The following SGCD variants were observed in gnomAD, a reference collection of about 807,000 sequenced individuals.
The protein encoded by SGCD is sarcoglycan delta.
SGCD carries 18 observed loss-of-function variants against 36.6 expected under a neutral mutation model. The ratio of observed to expected loss-of-function variants is 0.49; its 90% CI spans 0.34 to 0.73. SGCD has a LOEUF of 0.73. Among genes scored for constraint, SGCD ranks in the 30% least tolerant of loss-of-function variants. SGCD has a pLI of 0.01. For missense variants in SGCD, 387 were observed against 346.7 expected (o/e 1.12, Z -0.92); for synonymous variants, 133 against 130.6 (o/e 1.02, Z -0.12).
At chr5:156,468,797 G>T (rs567549990) in intron 3 of SGCD, among the ~76,000 whole-genome samples, 37 of 152,244 alleles carry the variant, frequency 2.4e-4, no homozygotes, top group African/African-American at 8.7e-4. Context: ...CTCCAGACTA[G>T]CCTGGCCAAT....
chr5:156,201,724 T>G (rs946733600), intron 3 of SGCD, among the ~76,000 whole-genome samples: 1 of 151,452 alleles, frequency 6.6e-6, no homozygotes, highest in African/African-American at 2.4e-5. Context: ...TTCCCTAGTT[T>G]TTTTTTTTTT....
intron 1 of SGCD, among the ~76,000 whole-genome samples, chr5:155,904,429 G>A (rs1380852208): frequency 6.6e-6 from 1 of 152,156 alleles, no homozygotes; most frequent in Non-Finnish European, 1.5e-5. Context: ...TCATAGTGTT[G>A]TACAACCATC....
Position 156,533,030 on chromosome 5 carries a change from T to G in SGCD, c.294+24328T>G, listed in dbSNP as rs111587993. 1.2e-4 allele frequency among the ~76,000 whole-genome samples: 19 copies of G among 152,272 alleles called. No homozygotes were observed. In the East Asian group the frequency reaches 1.4e-3, roughly 11 times the overall value. Reference sequence around the variant, plus strand: ...TGTCCTTAACTGAAATGCCATCTTATCTTGGAGAAGTAAACAGTAGTTACA... The same window carrying G: ...TGTCCTTAACTGAAATGCCATCTTAGCTTGGAGAAGTAAACAGTAGTTACA... On this transcript the variant is annotated intron_variant, in intron 4 of 8. Transcript: ENST00000337851.
At chr5:156,502,198 C>A (rs144247739) in intron 3 of SGCD, among the ~76,000 whole-genome samples, 2 of 151,380 alleles carry the variant, frequency 1.3e-5, no homozygotes, top group African/African-American at 4.8e-5. Flanking sequence ...AGGCACCCAC[C>A]ACCACCCCTG....
At chr5:156,404,963 C>G (rs1772333116) in intron 3 of SGCD, among the ~76,000 whole-genome samples, 1 of 152,168 alleles carries the variant, frequency 6.6e-6, no homozygotes, top group Admixed American at 6.5e-5. Context: ...AGGGATTCTG[C>G]AGATGCAATT....
upstream of SGCD, among the ~76,000 whole-genome samples, chr5:156,322,542 A>G (rs1425659643): frequency 1.3e-5 from 2 of 152,204 alleles, no homozygotes; most frequent in Non-Finnish European, 2.9e-5. Context: ...GTGCTAGTCT[A>G]TAGGCTTATA....
At chr5:156,278,695 T>A (rs1187838462) in intron 3 of SGCD, among the ~76,000 whole-genome samples, 1 of 152,202 alleles carries the variant, frequency 6.6e-6, no homozygotes, top group Non-Finnish European at 1.5e-5. Context: ...GATGCTTTTT[T>A]AAATTTACCT....
At position 155,975,609 on chromosome 5, in the gene SGCD, C is replaced by CTTTTTTTTTTTT. The variant is rs763067309; in HGVS notation, c.-282+105211_-282+105222dup. Among the ~76,000 whole-genome samples, 19 of 28,024 alleles carry CTTTTTTTTTTTT rather than the reference C, an allele frequency of 6.8e-4. 9 individuals are homozygous for CTTTTTTTTTTTT. Among genetic ancestry groups the CTTTTTTTTTTTT allele is most frequent in the Admixed American group, 3.6e-3 (6 of 1,688 alleles). The allele number at this position is 28,024 out of a possible 152,430, so 18.4% of individuals were successfully genotyped here. A position where few individuals can be genotyped will look rare whatever the true frequency, so the allele number is the denominator to read the frequency against. ...TGTGTTATTTATTTTTCTTTCTTTCCTTTTTTTTTTTTTTTTTTTTTTTTT... is the reference window on the plus strand; with the variant it reads ...TGTGTTATTTATTTTTCTTTCTTTCCTTTTTTTTTTTTTTTTTTTTTTTTTTTTTTTTTTTTT... On this transcript the variant is annotated intron_variant, in intron 1 of 9. Transcript: ENST00000517913.
intron 7 of SGCD, among the ~76,000 whole-genome samples, chr5:156,695,316 G>A (rs1481362196): frequency 1.3e-5 from 2 of 152,010 alleles, no homozygotes; most frequent in African/African-American, 4.8e-5. Flanking sequence ...ATGTGAGTGG[G>A]CATCATCCAA....
chr5:156,194,558 G>A (rs1047224344), intron 3 of SGCD, among the ~76,000 whole-genome samples: 1 of 151,870 alleles, frequency 6.6e-6, no homozygotes, highest in African/African-American at 2.4e-5. Context: ...AGGAATTTAA[G>A]GTATTTTGCA....
chr5:156,735,986 T>C (rs938058451), intron 7 of SGCD, among the ~76,000 whole-genome samples: 2 of 152,176 alleles, frequency 1.3e-5, no homozygotes, highest in Non-Finnish European at 2.9e-5. Context: ...CAAAGATCCA[T>C]GGGAGAAGAG....
At chr5:155,749,076 A>G in the SGCD span, among the ~76,000 whole-genome samples, 2 of 152,256 alleles carry the variant, frequency 1.3e-5, no homozygotes, top group African/African-American at 4.8e-5. Context: ...TGCATGCAGA[A>G]TACTTACATA....
chr5:155,906,552 C>T (rs1756515954), intron 1 of SGCD, among the ~76,000 whole-genome samples: 1 of 152,122 alleles, frequency 6.6e-6, no homozygotes, highest in Non-Finnish European at 1.5e-5. Context: ...GAAAGCAAAA[C>T]CACCTATTGC....
At chr5:156,220,485 T>C (rs1173779685) in intron 3 of SGCD, among the ~76,000 whole-genome samples, 1 of 152,186 alleles carries the variant, frequency 6.6e-6, no homozygotes, top group Admixed American at 6.5e-5. Context: ...TACCATATTG[T>C]GTCTTAAAAG....
the SGCD span, among the ~76,000 whole-genome samples, chr5:155,813,303 A>C: frequency 2.6e-5 from 4 of 152,146 alleles, no homozygotes; most frequent in Non-Finnish European, 5.9e-5. Flanking sequence ...GTCTTGAAAA[A>C]GTAAAGAAAG....
At chr5:156,660,323 G>T (rs1262069101) in intron 7 of SGCD, among the ~76,000 whole-genome samples, 1 of 151,856 alleles carries the variant, frequency 6.6e-6, no homozygotes, top group Admixed American at 6.6e-5. Flanking sequence ...CATCTATGGG[G>T]CCAGGTACCC....
chr5:156,258,565 C>T (rs1765771942), intron 3 of SGCD, among the ~76,000 whole-genome samples: 1 of 151,936 alleles, frequency 6.6e-6, no homozygotes, highest in African/African-American at 2.4e-5. Flanking sequence ...TTAAAATAGC[C>T]CTTTCTTTCC....
At chr5:156,401,086 A>C (rs1772121595) in intron 3 of SGCD, among the ~76,000 whole-genome samples, 1 of 152,236 alleles carries the variant, frequency 6.6e-6, no homozygotes, top group South Asian at 2.1e-4. Flanking sequence ...TTATAAGCTA[A>C]TCTGGGAAGC....
intron 3 of SGCD, among the ~76,000 whole-genome samples, chr5:156,180,321 A>T (rs911660204): frequency 1.3e-5 from 2 of 152,210 alleles, no homozygotes; most frequent in Non-Finnish European, 2.9e-5. Context: ...TAAAGATGCC[A>T]CCTATCTCAT....
Sources: allele counts gnomAD v4.1 joint callset (sites outside exome capture counted in the v4.1 genomes callset), GRCh38; gene constraint gnomAD v4.1.1; transcripts MANE v1.5; gene names NCBI Gene and HGNC (gene_info 2026-07-23, HGNC 2026-07-21).